Variants in PPP4R3A observed in about 807,000 individuals in gnomAD.
PPP4R3A encodes the protein serine/threonine-protein phosphatase 4 regulatory subunit 3A.
Under a neutral mutation model 91.7 loss-of-function variants are expected in PPP4R3A, and 15 were observed. The observed-to-expected ratio is 0.16, with a 90% CI of 0.11 to 0.25. The LOEUF (loss-of-function observed/expected upper bound fraction) is 0.25, where lower values mean the gene tolerates loss of function less well. Among genes scored for constraint, PPP4R3A ranks in the 10% least tolerant of loss-of-function variants. PPP4R3A has a pLI of 1.00. For synonymous variants in PPP4R3A, 377 were observed against 348.7 expected (o/e 1.08, Z -0.91); for missense variants, 623 against 998.4 (o/e 0.62, Z 5.07).
intron 4 of PPP4R3A, among the ~76,000 whole-genome samples, chr14:91,481,344 T>C (rs934763212): frequency 2.0e-5 from 3 of 152,078 alleles, no homozygotes; most frequent in Admixed American, 2.0e-4. Flanking sequence ...ATCCAAAAAA[T>C]CATCCCCTCA....
chr14:91,499,592 G>A (rs1890807815), intron 1 of PPP4R3A, among the ~76,000 whole-genome samples: 1 of 151,952 alleles, frequency 6.6e-6, no homozygotes, highest in South Asian at 2.1e-4. Context: ...AAAGGCCAAG[G>A]CGGGCGGATC....
chr14:91,492,733 T>C (rs1019915083), intron 1 of PPP4R3A, among the ~76,000 whole-genome samples: 2 of 152,192 alleles, frequency 1.3e-5, no homozygotes, highest in Non-Finnish European at 2.9e-5. Flanking sequence ...TTACAAAAAC[T>C]GGTTTTGGCT....
chr14:91,462,220 T>C lies in PPP4R3A; in HGVS notation c.1993A>G (p.Asn665Asp), dbSNP rs765980139. The C allele has an allele frequency of 6.3e-7, 1 of 1,592,378 alleles. No homozygotes were observed. The highest frequency in any genetic ancestry group is 8.5e-7 in the Non-Finnish European group (1 of 1,173,296). ...KLDSMRSILR[N>D]HRYRRDARTL... Reference sequence around the variant, plus strand: ...CTGGCATCTCTTCGATATCTGTGATTCCTCAAAATGGAACGCATACTATGA... The same window carrying C: ...CTGGCATCTCTTCGATATCTGTGATCCCTCAAAATGGAACGCATACTATGA... Residue 665 changes from asparagine (N) to aspartate (D), a missense_variant, in exon 13 of 15, where the codon AAT (asparagine) becomes GAT (aspartate). Transcript: ENST00000554943.
intron 1 of PPP4R3A, among the ~76,000 whole-genome samples, chr14:91,491,803 G>C (rs191385272): frequency 9.3e-4 from 142 of 152,256 alleles, no homozygotes; most frequent in African/African-American, 3.3e-3. Context: ...TTGCAGTTGT[G>C]CGATCTCAGC....
rs750383941 is a variant in PPP4R3A, at chr14:91,481,833, C to T, written c.658G>A (p.Val220Ile). 33 of 1,613,978 alleles carry T rather than the reference C, an allele frequency of 2.0e-5. No individual in the cohort carries two copies. The highest frequency in any genetic ancestry group is 4.4e-5 in the South Asian group (4 of 91,080). Residue 220 changes from valine to isoleucine, a missense_variant, in exon 4 of 15, where the codon GTC (valine) becomes ATC (isoleucine). By Grantham distance (29) the Val-to-Ile change is conservative (BLOSUM62 3). Transcript: ENST00000554943. The part of the protein sequence containing the change: ...VMFSEECIMD[V>I]IGCLEYDPAL... The stretch of plus-strand genomic sequence containing the variant: ...GGATCATATTCTAAACATCCAATGA[C>T]GTCCATTATACATTCTTCAGAGAAC...
At chr14:91,465,528 A>G (rs1888418877) in intron 10 of PPP4R3A, 109 bp from the exon 11 acceptor site, 4 of 902,384 alleles carry the variant, frequency 4.4e-6, no homozygotes, top group East Asian at 2.8e-5. Flanking sequence ...ACACATATCA[A>G]TAATTATTTA....
At chr14:91,462,941 ATTT>A in intron 11 of PPP4R3A, 64 bp from the exon 12 acceptor site, 5 of 365,566 alleles carry the variant, frequency 1.4e-5, no homozygotes, top group Non-Finnish European at 1.4e-5. Flanking sequence ...ATGAGGCTTA[ATTT>A]AATCAATTCA....
At position 91,462,090 on chromosome 14, in the gene PPP4R3A, T is replaced by C; in HGVS notation, c.2123A>G (p.Asp708Gly). Reference sequence around the variant, plus strand: ...GAATTTACTTATTGGATCCATAATATCATCATCATTTTTAGTTTTGTCAGA... The same window carrying C: ...GAATTTACTTATTGGATCCATAATACCATCATCATTTTTAGTTTTGTCAGA... ...SPSDKTKNDD[D>G]IMDPISKFME... The change falls in exon 13 of 15, where the codon GAT becomes GGT. Residue 708 changes from aspartate to glycine, a missense_variant. Physicochemically the swap from Asp to Gly is moderately conservative, Grantham distance 94. This residue lies in a region of PPP4R3A where 201 missense variants were observed against 229.9 expected (regional missense o/e 0.87). Transcript: ENST00000554943. 2 of 1,552,630 alleles carry C rather than the reference T, an allele frequency of 1.3e-6. No individual in the cohort carries two copies. Among genetic ancestry groups the C allele is most frequent in the Non-Finnish European group, 1.7e-6 (2 of 1,156,134 alleles).
At chr14:91,493,312 C>CA (rs59007966) in intron 1 of PPP4R3A, among the ~76,000 whole-genome samples, 2,527 of 136,240 alleles carry the variant, frequency 0.019, 55 homozygotes, top group Non-Finnish European at 0.023. Flanking sequence ...GACTCTGCCT[C>CA]AAAAAAAAAA....
chr14:91,487,948 A>C (rs1461454529), intron 2 of PPP4R3A, among the ~76,000 whole-genome samples: 2 of 152,164 alleles, frequency 1.3e-5, no homozygotes, highest in Non-Finnish European at 2.9e-5. Flanking sequence ...CCTGGGCTCT[A>C]GAAGTGCTAG....
intron 4 of PPP4R3A, among the ~76,000 whole-genome samples, chr14:91,479,300 G>GTGTGTGTGTC (rs1889400504): frequency 7.0e-6 from 1 of 142,482 alleles, no homozygotes; most frequent in Non-Finnish European, 1.5e-5. Flanking sequence ...CAACGTGTGT[G>GTGTGTGTGTC]TGTGTGTGTG....
chr14:91,496,809 A>G (rs1595083891), intron 1 of PPP4R3A, among the ~76,000 whole-genome samples: 1 of 152,202 alleles, frequency 6.6e-6, no homozygotes, highest in Non-Finnish European at 1.5e-5. Context: ...TTGAGGGCTC[A>G]GTAAGACAAT....
chr14:91,477,703 C>G (rs1210991537), intron 4 of PPP4R3A, among the ~76,000 whole-genome samples: 2 of 152,154 alleles, frequency 1.3e-5, no homozygotes, highest in African/African-American at 2.4e-5. Context: ...AGGTAGAGCA[C>G]AGTGGTGCCA....
chr14:91,476,039 C>T, intron 6 of PPP4R3A, 73 bp from the exon 7 acceptor site: 1 of 1,390,656 alleles, frequency 7.2e-7, no homozygotes, highest in East Asian at 2.5e-5. Flanking sequence ...AATATCCAAA[C>T]CTAACAAAAC....
intron 2 of PPP4R3A, among the ~76,000 whole-genome samples, chr14:91,490,052 T>G (rs1424647402): frequency 1.3e-5 from 2 of 152,248 alleles, no homozygotes; most frequent in East Asian, 3.8e-4. Flanking sequence ...ATTTTGTATC[T>G]GCATCTTCTG....
rs1271791487 is a variant in PPP4R3A, at chr14:91,462,134, T to C, written c.2079A>G (p.Gly693=). The C allele has an allele frequency of 1.2e-6, 2 of 1,606,578 alleles. No individual in the cohort carries two copies. The highest frequency in any genetic ancestry group is 1.1e-5 in the South Asian group (1 of 89,540). ...FNTDEDDMED[G]EAVVSPSDKT... is the part of the protein sequence containing the mutation. ...TGTCAGATGGAGACACTACAGCTTC[T>C]CCATCTTCCATGTCATCTTCATCTG... Residue 693 remains glycine, a synonymous_variant, in exon 13 of 15, where the codon GGA becomes GGG. Transcript: ENST00000554943.
chr14:91,473,356 G>A lies in PPP4R3A; in HGVS notation c.1281C>T (p.Ile427=), dbSNP rs1025873617. The part of the protein sequence containing the change: ...QKITSKDILL[I]NLIIEHMICD... The stretch of plus-strand genomic sequence containing the variant: ...AAATCATATGTTCTATAATGAGGTT[G>A]ATGAGCAAAATATCCTGGAGAGAAA... Residue 427 remains isoleucine (I), a synonymous_variant, in exon 8 of 15, where the codon ATC becomes ATT. Transcript: ENST00000554943. 2 of 1,611,572 alleles carry A rather than the reference G, an allele frequency of 1.2e-6. No homozygotes were observed. The highest frequency in any genetic ancestry group is 2.7e-5 in the African/African-American group (2 of 74,792).
At chr14:91,469,147 G>A (rs1452842897) in intron 10 of PPP4R3A, among the ~76,000 whole-genome samples, 1 of 147,246 alleles carries the variant, frequency 6.8e-6, no homozygotes, top group East Asian at 2.0e-4. Context: ...TCAGACCTTG[G>A]TGTTGACCTT....
At chr14:91,497,719 A>G (rs748726096) in intron 1 of PPP4R3A, among the ~76,000 whole-genome samples, 13 of 152,218 alleles carry the variant, frequency 8.5e-5, no homozygotes, top group Non-Finnish European at 1.8e-4. Context: ...TTTTAAACAC[A>G]TACTACTCTT....
Sources: gnomAD v4.1 joint callset for allele counts (sites outside exome capture counted in the v4.1 genomes callset) on GRCh38, gnomAD v4.1.1 for gene constraint, gnomAD v4.1.1 regional missense constraint, MANE v1.5 for transcripts, NCBI Gene and HGNC (gene_info 2026-07-23, HGNC 2026-07-21) for gene names.